Variants in BLM observed in about 807,000 individuals in gnomAD.
BLM encodes the protein recQ-like DNA helicase BLM.
A neutral mutation model predicts 135.3 loss-of-function variants in BLM; 95 were observed. The observed-to-expected ratio is 0.70, with a 90% CI of 0.59 to 0.83. The LOEUF (loss-of-function observed/expected upper bound fraction) is 0.83, where lower values mean the gene tolerates loss of function less well. BLM is among the 40% of genes least tolerant of loss of function. BLM has a pLI of 0.00. For missense variants in BLM, 1,518 were observed against 1,663.9 expected (o/e 0.91, Z 1.53); for synonymous variants, 520 against 589.2 (o/e 0.88, Z 1.70).
intron 1 of BLM, among the ~76,000 whole-genome samples, 153 bp from the exon 2 acceptor site, chr15:90,747,236 C>T (rs1203195151): frequency 1.7e-5 from 1 of 60,428 alleles, no homozygotes; most frequent in Non-Finnish European, 3.0e-5. Context: ...AGTCTATTGA[C>T]CAAAAAAAAA....
intron 12 of BLM, among the ~76,000 whole-genome samples, chr15:90,777,718 G>A (rs1051972384): frequency 2.0e-5 from 3 of 151,922 alleles, no homozygotes; most frequent in Non-Finnish European, 1.5e-5. Context: ...CCATTTAAAG[G>A]GTACAATTTA....
intron 2 of BLM, 39 bp from the exon 3 acceptor site, chr15:90,749,328 A>C: frequency 6.7e-7 from 1 of 1,491,182 alleles, no homozygotes; most frequent in South Asian, 1.2e-5. Context: ...GGTTTCTTAA[A>C]ATGGATCCAT....
At chr15:90,782,608 G>A (rs922710163) in intron 12 of BLM, among the ~76,000 whole-genome samples, 7 of 152,056 alleles carry the variant, frequency 4.6e-5, no homozygotes, top group African/African-American at 1.2e-4. Context: ...TGACATATGC[G>A]GGTGGGGAGA....
At chr15:90,752,688 T>A (rs1895719779) in intron 4 of BLM, among the ~76,000 whole-genome samples, 1 of 152,200 alleles carries the variant, frequency 6.6e-6, no homozygotes. Context: ...TAATTGGTAG[T>A]ATTACGAGAA....
chr15:90,788,271 CTG>C (rs2151182387), intron 14 of BLM, among the ~76,000 whole-genome samples: 1 of 152,202 alleles, frequency 6.6e-6, no homozygotes, highest in South Asian at 2.1e-4. Context: ...TAATAGAAGA[CTG>C]TCTTCAGAAT....
intron 15 of BLM, 56 bp downstream of exon 15, chr15:90,790,900 T>C (rs752262384): frequency 2.3e-5 from 35 of 1,502,466 alleles, no homozygotes; most frequent in Non-Finnish European, 3.0e-5. Context: ...ATGATAGTAG[T>C]CTACTCCTGC....
At chr15:90,758,425 T>C (rs1357731282) in intron 5 of BLM, among the ~76,000 whole-genome samples, 1 of 152,148 alleles carries the variant, frequency 6.6e-6, no homozygotes, top group Non-Finnish European at 1.5e-5. Flanking sequence ...AAACGGAGGT[T>C]GCAGTAAGCC....
In BLM at chr15:90,785,075, C is replaced by A; in HGVS notation, c.2817C>A (p.Gly939=). The change falls in exon 14 of 22, where the codon GGC becomes GGA. Residue 939 remains glycine, a synonymous_variant. Transcript: ENST00000355112. ...EVQQKWINQD[G]CQVICATIAF... ...AGCAGAAGTGGATTAATCAGGATGG[C>A]TGTCAGGTAACATTTTTAAAGATAA... is the stretch of plus-strand genomic sequence containing the variant. 1 of 1,614,030 alleles carries A rather than the reference C, an allele frequency of 6.2e-7. No homozygotes were observed. The highest frequency in any genetic ancestry group is 8.5e-7 in the Non-Finnish European group (1 of 1,179,992).
chr15:90,738,045 T>G (rs1895263813), intron 1 of BLM, among the ~76,000 whole-genome samples: 1 of 151,990 alleles, frequency 6.6e-6, no homozygotes, highest in African/African-American at 2.4e-5. Context: ...GCCAACAAAT[T>G]TGATAACATA....
Position 90,750,445 on chromosome 15 carries a change from C to T in BLM, c.799+378C>T, listed in dbSNP as rs532368311. Among the ~76,000 whole-genome samples the T allele has an allele frequency of 5.7e-4, 87 of 152,254 alleles. 1 individual carries two copies. The highest frequency in any genetic ancestry group is 3.4e-3 in the Middle Eastern group (1 of 294). ...TAAGAAAACACAAGCCCTGCAATACCGCGACAGTCAATCTGATAACTGAGA... is the reference window on the plus strand; with the variant it reads ...TAAGAAAACACAAGCCCTGCAATACTGCGACAGTCAATCTGATAACTGAGA... On this transcript the variant is annotated intron_variant, in intron 3 of 21. Transcript: ENST00000355112.
chr15:90,779,557 C>T (rs999915137), intron 12 of BLM, among the ~76,000 whole-genome samples: 6 of 152,134 alleles, frequency 3.9e-5, no homozygotes, highest in African/African-American at 1.4e-4. Context: ...CCACAATCTG[C>T]TACACATTCT....
At chr15:90,790,364 C>T (rs969081988) in intron 14 of BLM, 4 of 434,854 alleles carry the variant, frequency 9.2e-6, no homozygotes, top group Non-Finnish European at 1.3e-5. Context: ...GGGCTGACTG[C>T]AGTTGATTCT....
At chr15:90,769,060 G>A in intron 10 of BLM, 73 bp from the exon 11 acceptor site, 8 of 1,257,762 alleles carry the variant, frequency 6.4e-6, no homozygotes, top group African/African-American at 1.5e-5. Flanking sequence ...AGTTGTGATG[G>A]AATTTGAAGA....
In BLM at chr15:90,749,609, C is replaced by T. The variant is rs1376113548; in HGVS notation, c.341C>T (p.Thr114Ile). 1.2e-6 allele frequency: 2 copies of T among 1,614,174 alleles called. No homozygotes were observed. The highest frequency in any genetic ancestry group is 2.2e-5 in the East Asian group (1 of 44,876). ...SKSLLPDFLQTPKEVVCTTQN... is the reference protein window; with the variant it reads ...SKSLLPDFLQIPKEVVCTTQN... ...TCATTATTGCCAGATTTCTTGCAGA[C>T]TCCGAAGGAAGTTGTATGCACTACC... The change falls in exon 3 of 22, where the codon ACT becomes ATT. Residue 114 changes from threonine (T) to isoleucine (I), a missense_variant. By Grantham distance (89) the Thr-to-Ile change is moderately conservative. Coordinates refer to ENST00000355112, the MANE Select transcript of BLM (RefSeq NM_000057.4).
chr15:90,751,724 GC>G, intron 3 of BLM, 62 bp from the exon 4 acceptor site: 2 of 1,425,826 alleles, frequency 1.4e-6, no homozygotes, highest in Non-Finnish European at 2.0e-6. Context: ...AATCGCTCAT[GC>G]CCTGTTCTTT....
At chr15:90,804,994 G>A (rs573420523) in intron 19 of BLM, among the ~76,000 whole-genome samples, 2 of 152,086 alleles carry the variant, frequency 1.3e-5, no homozygotes, top group African/African-American at 2.4e-5. Context: ...GTGCCACCAC[G>A]CCCGGCTAAT....
At chr15:90,780,062 G>T (rs1038966573) in intron 12 of BLM, among the ~76,000 whole-genome samples, 5 of 151,632 alleles carry the variant, frequency 3.3e-5, no homozygotes, top group African/African-American at 9.7e-5. Flanking sequence ...AAATGGGAAA[G>T]GCGAAACAAG....
chr15:90,781,070 G>C (rs1567051385), intron 12 of BLM, among the ~76,000 whole-genome samples: 1 of 152,204 alleles, frequency 6.6e-6, no homozygotes, highest in Non-Finnish European at 1.5e-5. Flanking sequence ...GGAGATAATG[G>C]AGAGAACAAG....
chr15:90,748,572 C>T (rs1422131622), intron 2 of BLM, among the ~76,000 whole-genome samples: 1 of 152,192 alleles, frequency 6.6e-6, no homozygotes, highest in Non-Finnish European at 1.5e-5. Context: ...AGACTTTGTT[C>T]TGGGTGCCTG....
Sources: gnomAD v4.1 joint callset for allele counts (sites outside exome capture counted in the v4.1 genomes callset) on GRCh38, gnomAD v4.1.1 for gene constraint, MANE v1.5 for transcripts, NCBI Gene and HGNC (gene_info 2026-07-23, HGNC 2026-07-21) for gene names.